The following SPAG9 variants were observed in gnomAD, a reference collection of about 807,000 sequenced individuals.
The protein encoded by SPAG9 is C-Jun-amino-terminal kinase-interacting protein 4.
Under a neutral mutation model 166.5 loss-of-function variants are expected in SPAG9, and 35 were observed. That is an observed-to-expected ratio of 0.21 (90% CI 0.16 to 0.28). The LOEUF (loss-of-function observed/expected upper bound fraction) is 0.28. Among genes scored for constraint, SPAG9 ranks in the 10% least tolerant of loss-of-function variants. The probability of loss-of-function intolerance (pLI) is 1.00; values close to 1 mark genes in which losing one functional copy is unlikely to be tolerated. For missense variants in SPAG9, 1,235 were observed against 1,603.3 expected, an observed-to-expected ratio of 0.77 and a Z score of 3.92; for synonymous variants, 534 against 565.5, an observed-to-expected ratio of 0.94 and a Z score of 0.79.
intron 28 of SPAG9, among the ~76,000 whole-genome samples, chr17:50,971,837 G>A (rs920916042): frequency 1.3e-5 from 2 of 151,912 alleles, no homozygotes; most frequent in Non-Finnish European, 2.9e-5. Flanking sequence ...GCGCGATCTC[G>A]GCTCACTGCA....
chr17:50,988,328 C>A (rs1975242055), intron 21 of SPAG9, among the ~76,000 whole-genome samples: 1 of 152,152 alleles, frequency 6.6e-6, no homozygotes, highest in South Asian at 2.1e-4. Flanking sequence ...GAATAACTCC[C>A]ACAAGCTTAG....
At chr17:51,037,685 A>ATATATATATATATATAGTGT in intron 5 of SPAG9, among the ~76,000 whole-genome samples, 3 of 83,490 alleles carry the variant, frequency 3.6e-5, no homozygotes, top group African/African-American at 7.8e-5. Context: ...ATATATATAT[A>ATATATATATATATATAGTGT]GTGTGTGTGT....
intron 2 of SPAG9, among the ~76,000 whole-genome samples, chr17:51,063,487 G>A (rs540609917): frequency 6.6e-6 from 1 of 151,892 alleles, no homozygotes; most frequent in East Asian, 1.9e-4. Flanking sequence ...AAATCATAAA[G>A]TATACTTAAA....
chr17:51,111,858 C>CCT (rs1329336474), intron 1 of SPAG9, among the ~76,000 whole-genome samples: 2 of 152,158 alleles, frequency 1.3e-5, no homozygotes, highest in African/African-American at 4.8e-5. Context: ...CCACCTCGGC[C>CCT]TCCCAAAGTG....
intron 1 of SPAG9, among the ~76,000 whole-genome samples, chr17:51,091,663 A>G (rs2048469033): frequency 1.3e-5 from 2 of 151,906 alleles, no homozygotes; most frequent in South Asian, 4.2e-4. Flanking sequence ...TTTTTTAAGG[A>G]CTAGGGGGAT....
chr17:51,018,530 C>G (rs1198097184), intron 8 of SPAG9, among the ~76,000 whole-genome samples: 1 of 152,122 alleles, frequency 6.6e-6, no homozygotes, highest in Non-Finnish European at 1.5e-5. Flanking sequence ...AAAGTTTGTT[C>G]AAACTTTTTT....
intron 9 of SPAG9, among the ~76,000 whole-genome samples, chr17:51,010,211 GT>G (rs1209974626): frequency 6.6e-6 from 1 of 152,112 alleles, no homozygotes; most frequent in African/African-American, 2.4e-5. Context: ...CTACATGTGT[GT>G]TTTTCCAAAG....
intron 6 of SPAG9, chr17:51,023,348 TCCCTTAAGGGAG>T (rs1295129951): frequency 9.5e-6 from 2 of 211,612 alleles, no homozygotes; most frequent in Non-Finnish European, 1.9e-5. Context: ...TATATATAAT[TCCCTTAAGGGAG>T]TATCAGCAGG....
Position 50,984,991 on chromosome 17 carries a change from C to T in SPAG9, c.3021-1G>A. ...TACTAACACGATTCCCTTCACGTGT[C>T]TGCAAACAGGAAAGGGGAGTTCAGA... On this transcript the variant is annotated splice_acceptor_variant, in intron 23 of 29. Coordinates refer to ENST00000262013, the MANE Select transcript of SPAG9 (RefSeq NM_001130528.3). LOFTEE classifies it high-confidence loss of function. 1 of 1,614,006 alleles carries T rather than the reference C, an allele frequency of 6.2e-7. No homozygotes were observed. The highest frequency in any genetic ancestry group is 8.5e-7 in the Non-Finnish European group (1 of 1,179,860).
At chr17:51,064,774 C>T (rs879843971) in intron 2 of SPAG9, among the ~76,000 whole-genome samples, 4 of 151,998 alleles carry the variant, frequency 2.6e-5, no homozygotes, top group Admixed American at 1.3e-4. Context: ...TTAGTGGTGG[C>T]GATTGTACAA....
In SPAG9 at chr17:50,993,775, G is replaced by T. The variant is rs1975820114; in HGVS notation, c.2387C>A (p.Ala796Glu). The T allele has an allele frequency of 6.2e-7, 1 of 1,613,904 alleles. No homozygotes were observed. The highest frequency in any genetic ancestry group is 1.3e-5 in the African/African-American group (1 of 74,932). ...TVCNSHVLCI[A>E]SVPGARETDY... ...TGACTCACTCTTACCTGGCACACTT[G>T]CAATGCACAGAACATGAGAGTTGCA... Residue 796 changes from alanine (A) to glutamate (E), a missense_variant, in exon 19 of 30, where the codon GCA becomes GAA. Transcript: ENST00000262013.
intron 2 of SPAG9, among the ~76,000 whole-genome samples, chr17:51,059,613 G>A (rs1413248365): frequency 3.3e-5 from 5 of 151,942 alleles, no homozygotes; most frequent in Admixed American, 6.6e-5. Flanking sequence ...CTAGCTGGGC[G>A]TGGTGGTGCA....
At chr17:50,981,499 T>TAGAC (rs1437798909) in intron 25 of SPAG9, among the ~76,000 whole-genome samples, 1 of 131,872 alleles carries the variant, frequency 7.6e-6, no homozygotes, top group Non-Finnish European at 1.8e-5. Context: ...GATAGATAGA[T>TAGAC]AGATAGATAG....
intron 1 of SPAG9, among the ~76,000 whole-genome samples, chr17:51,109,300 G>A (rs543093547): frequency 1.3e-5 from 2 of 151,758 alleles, no homozygotes; most frequent in African/African-American, 4.8e-5. Flanking sequence ...GCCGTGGCAC[G>A]ATCTCAGCTC....
chr17:50,989,281 T>C (rs901820922), intron 21 of SPAG9, among the ~76,000 whole-genome samples: 2 of 152,206 alleles, frequency 1.3e-5, no homozygotes, highest in Admixed American at 6.5e-5. Context: ...TGTACAGGTT[T>C]CTAGCCTAGG....
intron 2 of SPAG9, among the ~76,000 whole-genome samples, chr17:51,075,354 A>G (rs542065167): frequency 5.9e-5 from 9 of 152,228 alleles, no homozygotes; most frequent in African/African-American, 2.2e-4. Flanking sequence ...CCACTTAGAT[A>G]CTTTTGGGAA....
intron 15 of SPAG9, among the ~76,000 whole-genome samples, chr17:50,997,103 T>C (rs2044714921): frequency 6.6e-6 from 1 of 152,208 alleles, no homozygotes; most frequent in African/African-American, 2.4e-5. Context: ...GCCACTGCAC[T>C]CCAGCCTGGG....
chr17:51,037,688 G>A (rs1189415518), intron 5 of SPAG9, among the ~76,000 whole-genome samples: 2,527 of 77,210 alleles, frequency 0.033, 78 homozygotes, highest in Admixed American at 0.072. Context: ...TATATATAGT[G>A]TGTGTGTGTG....
Position 51,047,292 on chromosome 17 carries a change from A to G in SPAG9, c.590+83T>C, listed in dbSNP as rs1029466916. The G allele has an allele frequency of 5.0e-6, 4 of 796,674 alleles. No homozygotes were observed. The Admixed American group carries it at 1.0e-4, about 20-fold the overall frequency. 49.4% of individuals were successfully genotyped at this position (796,674 alleles called of 1,614,324 possible). ...TTTGAATCAGCCTAACTATTGTTCCAGGATTAAAGAACAGAGAAAAACAGA... is the reference window on the plus strand; with the variant it reads ...TTTGAATCAGCCTAACTATTGTTCCGGGATTAAAGAACAGAGAAAAACAGA... On this transcript the variant is annotated intron_variant, in intron 4 of 29. Coordinates refer to ENST00000262013, the MANE Select transcript of SPAG9 (RefSeq NM_001130528.3).
Sources: gnomAD v4.1 joint callset for allele counts (sites outside exome capture counted in the v4.1 genomes callset) on GRCh38, gnomAD v4.1.1 for gene constraint, MANE v1.5 for transcripts, NCBI Gene and HGNC (gene_info 2026-07-23, HGNC 2026-07-21) for gene names.